The following CD164 variants were observed in gnomAD, a reference collection of about 807,000 sequenced individuals.
CD164 encodes the protein sialomucin core protein 24.
In CD164, 11 loss-of-function variants were observed where a neutral mutation model predicts 24.6. The observed-to-expected ratio is 0.45, with a 90% CI of 0.28 to 0.74. CD164 has a LOEUF of 0.74. Ranked by LOEUF, CD164 falls within the 30% of genes least tolerant of loss-of-function variation. The pLI is 0.13. For synonymous variants in CD164, 126 were observed against 100.3 expected (o/e 1.26, Z -1.53); for missense variants, 295 against 243.7 (o/e 1.21, Z -1.40).
chr6:109,382,447 T>A lies in CD164; in HGVS notation c.-69A>T. The A allele has an allele frequency of 7.4e-7, 1 of 1,354,072 alleles. No individual in the cohort carries two copies. The allele number at this position is 1,354,072 out of a possible 1,614,324, so 83.9% of individuals were successfully genotyped here. A position where few individuals can be genotyped will look rare whatever the true frequency, so the allele number is the denominator to read the frequency against. On this transcript the variant is annotated 5_prime_UTR_variant, in exon 1 of 6. Coordinates refer to ENST00000310786, the MANE Select transcript of CD164 (RefSeq NM_006016.6). The stretch of plus-strand genomic sequence containing the variant: ...ACGCTCAGTCAACCCCTCAATCCCC[T>A]GCGGCGCCGCCTCCGAGACTACGCT...
chr6:109,373,358 T>C (rs1450107507), intron 4 of CD164, among the ~76,000 whole-genome samples: 1 of 152,178 alleles, frequency 6.6e-6, no homozygotes, highest in East Asian at 1.9e-4. Flanking sequence ...CTTTGCATTG[T>C]TTAACTACCC....
chr6:109,369,026 T>C lies in CD164; in HGVS notation c.428-9A>G, dbSNP rs1562235148. 2 of 1,604,376 alleles carry C rather than the reference T, an allele frequency of 1.2e-6. No individual in the cohort carries two copies. Among genetic ancestry groups the C allele is most frequent in the Non-Finnish European group, 1.7e-6 (2 of 1,177,030 alleles). On this transcript the variant is annotated splice_polypyrimidine_tract_variant and intron_variant, in intron 5 of 5. Coordinates refer to ENST00000310786, the MANE Select transcript of CD164 (RefSeq NM_006016.6). ...AGTGTTATTTGTTGTACCTGTTAGA[T>C]AAGACAAAAGAAACAACAATCCTAA... is the stretch of plus-strand genomic sequence containing the variant.
intron 4 of CD164, among the ~76,000 whole-genome samples, chr6:109,374,971 A>G (rs879482753): frequency 1.3e-5 from 2 of 152,116 alleles, no homozygotes; most frequent in Non-Finnish European, 1.5e-5. Context: ...TAACCCTACC[A>G]TTTACCCTAG....
In CD164 at chr6:109,379,562, T is replaced by C; in HGVS notation, c.259+17A>G. The C allele has an allele frequency of 1.3e-6, 2 of 1,569,152 alleles. No homozygotes were observed. Among genetic ancestry groups the C allele is most frequent in the Non-Finnish European group, 1.7e-6 (2 of 1,148,218 alleles). ...AATGCTATAACAAAACAGTTTTGCA[T>C]CCCCAAAGTTTCTTACCTTTACATT... On this transcript the variant is annotated intron_variant, in intron 2 of 5. Transcript: ENST00000310786.
chr6:109,379,844 T>G (rs571616382), intron 1 of CD164, 182 bp from the exon 2 acceptor site: 1 of 537,822 alleles, frequency 1.9e-6, no homozygotes, highest in African/African-American at 1.9e-5. Context: ...AAGCTGTAAG[T>G]AAACGCATTA....
intron 4 of CD164, 169 bp from the exon 5 acceptor site, chr6:109,370,636 T>C (rs1771026450): frequency 9.0e-6 from 5 of 556,744 alleles, no homozygotes; most frequent in Admixed American, 3.2e-5. Context: ...CACCCAAGAA[T>C]ACTAGGATTT....
chr6:109,368,956 T>C lies in CD164; in HGVS notation c.489A>G (p.Ala163=), dbSNP rs754077766. 3.1e-6 allele frequency: 5 copies of C among 1,613,892 alleles called. No homozygotes were observed. In the African/African-American group the frequency reaches 6.7e-5, roughly 22 times the overall value. The change falls in exon 6 of 6, where the codon GCA becomes GCG. Residue 163 remains alanine (A), a synonymous_variant. Transcript: ENST00000310786. ...GGACAATTCCTCCAATGAAACTGGC[T>C]GCATCAAAGGTAGACTTTCGCACAG... The part of the protein sequence containing the change: ...SQPVRKSTFD[A]ASFIGGIVLV...
intron 4 of CD164, among the ~76,000 whole-genome samples, chr6:109,374,476 C>T (rs942044360): frequency 6.6e-6 from 1 of 152,214 alleles, no homozygotes; most frequent in African/African-American, 2.4e-5. Flanking sequence ...CTGCAGCCCA[C>T]CTCTATCTGT....
At chr6:109,380,344 C>T (rs1771666112) in intron 1 of CD164, 2 of 152,074 alleles carry the variant, frequency 1.3e-5, no homozygotes, top group South Asian at 2.1e-4. Context: ...TGGAGAAGAA[C>T]GGACTATAAA....
rs569305976 is a variant in CD164, at chr6:109,369,149, G to C, written c.428-132C>G. On this transcript the variant is annotated intron_variant, in intron 5 of 5. Coordinates refer to ENST00000310786, the MANE Select transcript of CD164 (RefSeq NM_006016.6). ...GTATTTCCTCAAGTCTTTACAGCTAGAATTTATCCCTAATTGAGGAAGACA... is the reference window on the plus strand; with the variant it reads ...GTATTTCCTCAAGTCTTTACAGCTACAATTTATCCCTAATTGAGGAAGACA... 15 of 753,010 alleles carry C rather than the reference G, an allele frequency of 2.0e-5. No homozygotes were observed. In the South Asian group the frequency reaches 2.5e-4, roughly 12 times the overall value. The allele number at this position is 753,010 out of a possible 1,614,324, so 46.6% of individuals were successfully genotyped here.
rs751569778 is a variant in CD164 at position 109,379,623 on chromosome 6, T to C, written c.215A>G (p.Asn72Ser). The change falls in exon 2 of 6, where the codon AAT (asparagine) becomes AGT (serine). Residue 72 changes from asparagine (N) to serine (S), a missense_variant. Coordinates refer to ENST00000310786, the MANE Select transcript of CD164 (RefSeq NM_006016.6). ...EGRNSCVSCFNVSVVNTTCFW... is the reference protein window; with the variant it reads ...EGRNSCVSCFSVSVVNTTCFW... ...GCAGGTAGTATTAACAACGCTAACA[T>C]TAAAACAGGAAACGCAGCTGTTTCG... 6.2e-7 allele frequency: 1 copy of C among 1,613,684 alleles called. No individual in the cohort carries two copies. Among genetic ancestry groups the C allele is most frequent in the South Asian group, 1.1e-5 (1 of 90,972 alleles).
At chr6:109,375,479 T>G (rs1455274346) in intron 4 of CD164, among the ~76,000 whole-genome samples, 1 of 151,870 alleles carries the variant, frequency 6.6e-6, no homozygotes. Context: ...TAGTTGGGCA[T>G]GATGGCAGGT....
At chr6:109,376,554 T>C (rs1228615127) in intron 3 of CD164, among the ~76,000 whole-genome samples, 1 of 152,220 alleles carries the variant, frequency 6.6e-6, no homozygotes, top group Non-Finnish European at 1.5e-5. Flanking sequence ...CAGTCCCTAA[T>C]GGTTGCAGAG....
chr6:109,376,322 C>T (rs757119934), intron 3 of CD164, among the ~76,000 whole-genome samples: 2 of 152,176 alleles, frequency 1.3e-5, no homozygotes, highest in Non-Finnish European at 2.9e-5. Context: ...CAACACCTCC[C>T]TTCCTCCTGA....
At chr6:109,379,706 T>C in intron 1 of CD164, 44 bp from the exon 2 acceptor site, 1 of 1,392,518 alleles carries the variant, frequency 7.2e-7, no homozygotes, top group Non-Finnish European at 1.0e-6. Context: ...ATGATTTTAT[T>C]AGTATCTTAT....
chr6:109,378,080 G>T, intron 2 of CD164, 109 bp from the exon 3 acceptor site: 1 of 874,236 alleles, frequency 1.1e-6, no homozygotes, highest in Non-Finnish European at 1.8e-6. Flanking sequence ...TTTAGAAGTG[G>T]GCAGGGGGAA....
Position 109,382,459 on chromosome 6 carries a change from T to C in CD164, c.-81A>G, listed in dbSNP as rs960249115. On this transcript the variant is annotated 5_prime_UTR_variant, in exon 1 of 6. Coordinates refer to ENST00000310786, the MANE Select transcript of CD164 (RefSeq NM_006016.6). Reference sequence around the variant, plus strand: ...CCCCTCAATCCCCTGCGGCGCCGCCTCCGAGACTACGCTCCCCCGCGGGAG... The same window carrying C: ...CCCCTCAATCCCCTGCGGCGCCGCCCCCGAGACTACGCTCCCCCGCGGGAG... The C allele has an allele frequency of 4.6e-6, 6 of 1,316,286 alleles. No individual in the cohort carries two copies. In the African/African-American group the frequency reaches 4.6e-5, roughly 10 times the overall value. The allele number at this position is 1,316,286 out of a possible 1,614,324, so 81.5% of individuals were successfully genotyped here.
chr6:109,374,518 C>A (rs1309608698), intron 4 of CD164, among the ~76,000 whole-genome samples: 1 of 152,176 alleles, frequency 6.6e-6, no homozygotes, highest in Admixed American at 6.5e-5. Context: ...GCTATCTAAT[C>A]TCCTGAGTTC....
intron 3 of CD164, 25 bp from the exon 4 acceptor site, chr6:109,376,137 ACC>A (rs769536992): frequency 1.3e-6 from 2 of 1,532,344 alleles, no homozygotes; most frequent in Non-Finnish European, 1.8e-6. Flanking sequence ...AAAAAGAAAA[ACC>A]ATATACATCA....
Sources: gnomAD v4.1 joint callset for allele counts (sites outside exome capture counted in the v4.1 genomes callset) on GRCh38, gnomAD v4.1.1 for gene constraint, MANE v1.5 for transcripts, NCBI Gene and HGNC (gene_info 2026-07-23, HGNC 2026-07-21) for gene names.